SDK1: variants seen among roughly 807,000 people sequenced by gnomAD.
SDK1 encodes protein sidekick-1.
A neutral mutation model predicts 245.5 loss-of-function variants in SDK1; 157 were observed. The ratio of observed to expected loss-of-function variants is 0.64; its 90% CI spans 0.56 to 0.73. The LOEUF is 0.73. SDK1 is among the 30% of genes least tolerant of loss of function. The probability of loss-of-function intolerance (pLI) is 0.00; values close to 1 mark genes in which losing one functional copy is unlikely to be tolerated. For synonymous variants in SDK1, 1,647 were observed against 1,278.5 expected (o/e 1.29, Z -6.15); for missense variants, 3,583 against 3,002.3 (o/e 1.19, Z -4.52).
At chr7:3,807,890 A>G (rs948611770) in intron 4 of SDK1, among the ~76,000 whole-genome samples, 1 of 152,202 alleles carries the variant, frequency 6.6e-6, no homozygotes, top group Non-Finnish European at 1.5e-5. Flanking sequence ...TTTTAAGTGT[A>G]TGCCAACTGT....
intron 4 of SDK1, among the ~76,000 whole-genome samples, chr7:3,667,837 C>T (rs1783581914): frequency 6.6e-6 from 1 of 152,188 alleles, no homozygotes; most frequent in Non-Finnish European, 1.5e-5. Flanking sequence ...GCTTGTTATT[C>T]TATTCCCCAG....
chr7:4,163,053 C>T (rs775919580), intron 32 of SDK1, among the ~76,000 whole-genome samples: 15 of 152,204 alleles, frequency 9.9e-5, no homozygotes, highest in Non-Finnish European at 1.6e-4. Flanking sequence ...GGCCTGGCAG[C>T]AGACACAACA....
intron 1 of SDK1, among the ~76,000 whole-genome samples, chr7:3,433,618 C>T (rs140889062): frequency 1.1e-4 from 17 of 152,244 alleles, no homozygotes; most frequent in African/African-American, 4.1e-4. Flanking sequence ...TAAAGACTGG[C>T]TGGCCAAGAA....
intron 1 of SDK1, among the ~76,000 whole-genome samples, chr7:3,391,133 C>G (rs1197809431): frequency 6.6e-6 from 1 of 152,012 alleles, no homozygotes; most frequent in Non-Finnish European, 1.5e-5. Flanking sequence ...AAGTTCATAC[C>G]AGATCAAGAG....
intron 4 of SDK1, among the ~76,000 whole-genome samples, chr7:3,738,661 G>A (rs1438931860): frequency 6.6e-6 from 1 of 152,162 alleles, no homozygotes; most frequent in African/African-American, 2.4e-5. Flanking sequence ...CATCTGATTT[G>A]TGAAATGGGA....
chr7:3,788,521 T>A (rs1029241143), intron 4 of SDK1, among the ~76,000 whole-genome samples: 14 of 152,216 alleles, frequency 9.2e-5, no homozygotes, highest in Admixed American at 7.9e-4. Context: ...ATTAGAATTC[T>A]GCATGCTGTG....
chr7:3,860,490 T>C (rs1035947161), intron 5 of SDK1, among the ~76,000 whole-genome samples: 2 of 152,200 alleles, frequency 1.3e-5, no homozygotes, highest in African/African-American at 4.8e-5. Context: ...GTCAAACATT[T>C]AAGAAGTTTG....
Position 4,268,588 on chromosome 7 carries a change from T to C in SDK1, c.*3204T>C, listed in dbSNP as rs10227750. ...TCTGTACAGGTCTTCGGAGGCCGTG[T>C]TTGTATCTAACTGTGACTGGGCTGA... On this transcript the variant is annotated 3_prime_UTR_variant, in exon 45 of 45. Transcript: ENST00000404826. 0.048 allele frequency: 65,776 copies of C among 1,358,624 alleles called. 5,938 individuals are homozygous for C. Among genetic ancestry groups the C allele is most frequent in the African/African-American group, 0.37 (24,678 of 67,490 alleles). 84.2% of individuals were successfully genotyped at this position (1,358,624 alleles called of 1,614,324 possible).
rs533111709 is a variant in SDK1, at chr7:3,507,201, C to T, written c.299-111879C>T. 2.6e-5 allele frequency among the ~76,000 whole-genome samples: 4 copies of T among 152,242 alleles called. No homozygotes were observed. The East Asian group carries it at 7.7e-4, about 29-fold the overall frequency. On this transcript the variant is annotated intron_variant, in intron 1 of 44. Transcript: ENST00000404826. The stretch of plus-strand genomic sequence containing the variant: ...ACACTGTGTGTACTTCAGCATTTAC[C>T]CAGCTTAGTTCTCTCTAGTAGTTGT...
intron 35 of SDK1, among the ~76,000 whole-genome samples, chr7:4,182,813 G>A (rs1313038738): frequency 1.3e-5 from 2 of 152,168 alleles, no homozygotes; most frequent in African/African-American, 4.8e-5. Context: ...GCCACTTTAG[G>A]GCCCTGGCAG....
chr7:3,496,516 C>T (rs1361443896), intron 1 of SDK1, among the ~76,000 whole-genome samples: 8 of 151,256 alleles, frequency 5.3e-5, no homozygotes, highest in Non-Finnish European at 1.5e-5. Flanking sequence ...TATTTTGCTC[C>T]CTAATTATAA....
At chr7:3,438,674 C>G (rs922326174) in intron 1 of SDK1, among the ~76,000 whole-genome samples, 6 of 152,106 alleles carry the variant, frequency 3.9e-5, no homozygotes, top group Admixed American at 3.3e-4. Context: ...CCTCTCATCT[C>G]TATTGCCAAC....
intron 1 of SDK1, among the ~76,000 whole-genome samples, chr7:3,507,917 G>C (rs895296360): frequency 6.6e-6 from 1 of 152,138 alleles, no homozygotes; most frequent in Non-Finnish European, 1.5e-5. Flanking sequence ...CTCCCCTATG[G>C]TTTAAACCTA....
intron 4 of SDK1, among the ~76,000 whole-genome samples, chr7:3,672,502 G>A (rs1027605420): frequency 6.7e-6 from 1 of 149,326 alleles, no homozygotes; most frequent in African/African-American, 2.5e-5. Flanking sequence ...AGATGAGCTG[G>A]AAACCAGTAC....
At chr7:3,928,901 A>G (rs925843151) in intron 5 of SDK1, among the ~76,000 whole-genome samples, 1 of 152,152 alleles carries the variant, frequency 6.6e-6, no homozygotes, top group African/African-American at 2.4e-5. Flanking sequence ...AGGTGGGGAA[A>G]CCCCACGCGT....
chr7:3,974,153 C>T (rs1408514903), intron 12 of SDK1, among the ~76,000 whole-genome samples: 1 of 138,174 alleles, frequency 7.2e-6, no homozygotes, highest in Non-Finnish European at 1.5e-5. Flanking sequence ...CACTGCACTC[C>T]AGCCTGGGCC....
intron 1 of SDK1, among the ~76,000 whole-genome samples, chr7:3,364,847 A>C (rs1372418163): frequency 6.6e-6 from 1 of 152,180 alleles, no homozygotes; most frequent in African/African-American, 2.4e-5. Flanking sequence ...AATTGCATCA[A>C]ATCTTTGGAA....
chr7:3,455,526 G>A (rs1207554543), intron 1 of SDK1, among the ~76,000 whole-genome samples: 5 of 151,810 alleles, frequency 3.3e-5, no homozygotes, highest in Non-Finnish European at 7.4e-5. Context: ...TGCCAGCACT[G>A]TATGTTGAAA....
chr7:3,676,990 A>G (rs921489792), intron 4 of SDK1, among the ~76,000 whole-genome samples: 22 of 152,114 alleles, frequency 1.4e-4, no homozygotes, highest in African/African-American at 5.1e-4. Flanking sequence ...TCTTTTACCT[A>G]CTTCTGTTCC....
Sources: gnomAD v4.1 joint callset for allele counts (sites outside exome capture counted in the v4.1 genomes callset) on GRCh38, gnomAD v4.1.1 for gene constraint, MANE v1.5 for transcripts, NCBI Gene and HGNC (gene_info 2026-07-23, HGNC 2026-07-21) for gene names.